Variants in EHHADH observed in about 807,000 individuals in gnomAD.
The protein encoded by EHHADH is enoyl-CoA hydratase and 3-hydroxyacyl CoA dehydrogenase.
Under a neutral mutation model 64.4 loss-of-function variants are expected in EHHADH, and 48 were observed. The ratio of observed to expected loss-of-function variants is 0.75; its 90% CI spans 0.59 to 0.95. The LOEUF is 0.95. Among genes scored for constraint, EHHADH ranks in the 40% least tolerant of loss-of-function variants. EHHADH has a pLI of 0.00. For synonymous variants in EHHADH, 308 were observed against 326.7 expected, an observed-to-expected ratio of 0.94 and a Z score of 0.62; for missense variants, 854 against 876.6, an observed-to-expected ratio of 0.97 and a Z score of 0.33.
In EHHADH at chr3:185,229,497, G is replaced by T. The variant is rs754425579; in HGVS notation, c.398C>A (p.Ala133Glu). ...TCTGGGGAGAAGCTGGGTTCCTCTT[G>T]CACCAGGGAGAAGTCCCAGTGTAAC... ...PEVTLGLLPGARGTQLLPRLT... is the reference protein window; with the variant it reads ...PEVTLGLLPGERGTQLLPRLT... Residue 133 changes from alanine (A) to glutamate (E), a missense_variant, in exon 4 of 7, where the codon GCA becomes GAA. By Grantham distance (107) the Ala-to-Glu change is moderately radical. Transcript: ENST00000231887. 23 of 1,576,196 alleles carry T rather than the reference G, an allele frequency of 1.5e-5. No homozygotes were observed. In the South Asian group the frequency reaches 2.6e-4, roughly 18 times the overall value.
chr3:185,209,714 A>G (rs1718488357), intron 5 of EHHADH, among the ~76,000 whole-genome samples: 1 of 152,244 alleles, frequency 6.6e-6, no homozygotes, highest in Non-Finnish European at 1.5e-5. Context: ...TCCTTTTTAA[A>G]TCAAAGAGAC....
intron 6 of EHHADH, 61 bp downstream of exon 6, chr3:185,204,355 A>G (rs1718319173): frequency 2.0e-6 from 3 of 1,463,794 alleles, no homozygotes; most frequent in Non-Finnish European, 2.8e-6. Context: ...AGCCCTAAGC[A>G]AATGGTAGCA....
chr3:185,204,696 G>A lies in EHHADH; in HGVS notation c.630C>T (p.Asp210=), dbSNP rs1019192267. Residue 210 remains aspartate, a synonymous_variant, in exon 6 of 7, where the codon GAC becomes GAT. Transcript: ENST00000231887. The part of the protein sequence containing the change: ...NKPIQSLPNM[D]SIFSEALLKM... The stretch of plus-strand genomic sequence containing the variant: ...TCAAGAGGGCCTCACTAAAAATGCT[G>A]TCCATGTTGGGCAAGCTCTGAATTG... The A allele has an allele frequency of 9.9e-6, 16 of 1,614,040 alleles. No individual in the cohort carries two copies. In the African/African-American group the frequency reaches 2.1e-4, roughly 22 times the overall value.
intron 4 of EHHADH, among the ~76,000 whole-genome samples, chr3:185,223,044 T>G (rs1200154734): frequency 1.3e-5 from 2 of 152,234 alleles, no homozygotes; most frequent in Non-Finnish European, 2.9e-5. Flanking sequence ...CAATCTCTGA[T>G]GCTATTTAAT....
intron 2 of EHHADH, among the ~76,000 whole-genome samples, chr3:185,241,725 G>C (rs1012343512): frequency 6.6e-6 from 1 of 151,996 alleles, no homozygotes; most frequent in Non-Finnish European, 1.5e-5. Flanking sequence ...AGATGGTGAA[G>C]ATTTTCCCCC....
intron 6 of EHHADH, among the ~76,000 whole-genome samples, chr3:185,198,655 C>T (rs1406011140): frequency 6.6e-6 from 1 of 151,894 alleles, no homozygotes; most frequent in Non-Finnish European, 1.5e-5. Context: ...TTGAGACCAG[C>T]CTGGCCAACA....
At chr3:185,208,740 T>C (rs1718463486) in intron 5 of EHHADH, among the ~76,000 whole-genome samples, 1 of 152,222 alleles carries the variant, frequency 6.6e-6, no homozygotes, top group South Asian at 2.1e-4. Flanking sequence ...CATGGCAGCA[T>C]TATTTATAAT....
chr3:185,191,992 T>A lies in EHHADH; in HGVS notation c.*234A>T, dbSNP rs1717882753. 1.9e-6 allele frequency: 1 copy of A among 522,064 alleles called. No individual in the cohort carries two copies. The highest frequency in any genetic ancestry group is 1.9e-5 in the African/African-American group (1 of 52,326). The allele number at this position is 522,064 out of a possible 1,614,324, so 32.3% of individuals were successfully genotyped here. ...GCCTCTTTCATTAGCTATTATGGTA[T>A]TATATTCACACAAGTTCATGCATTG... On this transcript the variant is annotated 3_prime_UTR_variant, in exon 7 of 7. Coordinates refer to ENST00000231887, the MANE Select transcript of EHHADH (RefSeq NM_001966.4).
intron 1 of EHHADH, among the ~76,000 whole-genome samples, chr3:185,251,825 A>G (rs1367079015): frequency 6.6e-6 from 1 of 152,212 alleles, no homozygotes; most frequent in Non-Finnish European, 1.5e-5. Flanking sequence ...CAGAAGACAG[A>G]CAAAAAAGGG....
rs988684492 is a variant in EHHADH at position 185,245,822 on chromosome 3, A to G, written c.178+2592T>C. ...AGTTTTCTTGGTTCCTACTCAGACG[A>G]CCTGTGGAGGTTGCATAACGAATTT... On this transcript the variant is annotated intron_variant, in intron 2 of 6. Coordinates refer to ENST00000231887, the MANE Select transcript of EHHADH (RefSeq NM_001966.4). 5.1e-6 allele frequency: 4 copies of G among 779,148 alleles called. No individual in the cohort carries two copies. The Middle Eastern group carries it at 1.1e-3, about 218-fold the overall frequency. 48.3% of individuals were successfully genotyped at this position (779,148 alleles called of 1,614,324 possible).
intron 4 of EHHADH, 72 bp downstream of exon 4, chr3:185,229,360 C>T (rs1716756644): frequency 2.0e-6 from 2 of 1,011,604 alleles, no homozygotes; most frequent in Non-Finnish European, 1.3e-6. Context: ...GGTGGTCAAG[C>T]CAGAATTTTT....
Position 185,191,997 on chromosome 3 carries a change from T to G in EHHADH, c.*229A>C. 1 of 532,828 alleles carries G rather than the reference T, an allele frequency of 1.9e-6. No homozygotes were observed. The highest frequency in any genetic ancestry group is 3.3e-6 in the Non-Finnish European group (1 of 305,966). The allele number at this position is 532,828 out of a possible 1,614,324, so 33.0% of individuals were successfully genotyped here. On this transcript the variant is annotated 3_prime_UTR_variant, in exon 7 of 7. Coordinates refer to ENST00000231887, the MANE Select transcript of EHHADH (RefSeq NM_001966.4). ...TTTCATTAGCTATTATGGTATTATA[T>G]TCACACAAGTTCATGCATTGAATTT...
At chr3:185,249,144 T>G (rs895316626) in intron 1 of EHHADH, among the ~76,000 whole-genome samples, 1 of 152,106 alleles carries the variant, frequency 6.6e-6, no homozygotes, top group Non-Finnish European at 1.5e-5. Context: ...CTCTTTTTTT[T>G]TTGAAATGGA....
Position 185,193,256 on chromosome 3 carries a change from G to C in EHHADH, c.1142C>G (p.Ala381Gly), listed in dbSNP as rs1717958555. Residue 381 changes from alanine to glycine, a missense_variant, in exon 7 of 7, where the codon GCA (alanine) becomes GGA (glycine). Coordinates refer to ENST00000231887, the MANE Select transcript of EHHADH (RefSeq NM_001966.4). ...ELGGVDLVIE[A>G]VFEEMSLKKQ... ...CTTCAGGCTCATTTCCTCAAATACT[G>C]CTTCAATGACTAAATCTACACCACC... 1.2e-6 allele frequency: 2 copies of C among 1,601,806 alleles called. No individual in the cohort carries two copies. The highest frequency in any genetic ancestry group is 8.5e-7 in the Non-Finnish European group (1 of 1,174,854).
At chr3:185,228,883 A>G (rs949785031) in intron 4 of EHHADH, among the ~76,000 whole-genome samples, 1 of 151,612 alleles carries the variant, frequency 6.6e-6, no homozygotes. Context: ...AGCTCACCGC[A>G]ACCTCCGCTT....
Position 185,248,489 on chromosome 3 carries a change from C to T in EHHADH, c.103G>A (p.Gly35Arg). The change falls in exon 2 of 7, where the codon GGA (glycine) becomes AGA (arginine). Residue 35 changes from glycine (G) to arginine (R), a missense_variant. Physicochemically the swap from Gly to Arg is moderately radical, Grantham distance 125. Coordinates refer to ENST00000231887, the MANE Select transcript of EHHADH (RefSeq NM_001966.4). ...TGGTCTATTACAGCTTTCTGTAGTCCTTCTTTTATGTCACGGAGTAAAGTC... is the reference window on the plus strand; with the variant it reads ...TGGTCTATTACAGCTTTCTGTAGTCTTTCTTTTATGTCACGGAGTAAAGTC... ...STTLLRDIKE[G>R]LQKAVIDHTI... The T allele has an allele frequency of 6.2e-7, 1 of 1,613,138 alleles. No individual in the cohort carries two copies. Among genetic ancestry groups the T allele is most frequent in the Non-Finnish European group, 8.5e-7 (1 of 1,179,506 alleles).
chr3:185,202,338 C>CAAAAAAA (rs35411232), intron 6 of EHHADH, among the ~76,000 whole-genome samples: 1 of 126,276 alleles, frequency 7.9e-6, no homozygotes. Context: ...AACTCCATAT[C>CAAAAAAA]AAAAAAAAAA....
At chr3:185,246,234 T>C in intron 2 of EHHADH, 2 of 903,622 alleles carry the variant, frequency 2.2e-6, no homozygotes, top group Admixed American at 2.2e-5. Flanking sequence ...GTTCAAGTCA[T>C]CTAGATCATC....
intron 1 of EHHADH, 110 bp downstream of exon 1, chr3:185,253,839 C>T: frequency 2.7e-6 from 4 of 1,503,560 alleles, no homozygotes; most frequent in Non-Finnish European, 3.6e-6. Context: ...TTGCTCAACT[C>T]TTGAGTGTCC....
Sources: gnomAD v4.1 joint callset for allele counts (sites outside exome capture counted in the v4.1 genomes callset) on GRCh38, gnomAD v4.1.1 for gene constraint, MANE v1.5 for transcripts, NCBI Gene and HGNC (gene_info 2026-07-23, HGNC 2026-07-21) for gene names.